MAL: variants seen among roughly 807,000 people sequenced by gnomAD.
MAL encodes mal, T cell differentiation protein (MAL blood group).
Under a neutral mutation model 16.7 loss-of-function variants are expected in MAL, and 5 were observed. That is an observed-to-expected ratio of 0.30 (90% CI 0.16 to 0.63). The LOEUF is 0.63. Among genes scored for constraint, MAL ranks in the 30% least tolerant of loss-of-function variants. The pLI, the probability that MAL is intolerant of heterozygous loss-of-function variation, is 0.82. For missense variants in MAL, 202 were observed against 195.8 expected, an observed-to-expected ratio of 1.03 and a Z score of -0.19; for synonymous variants, 96 against 85.5, an observed-to-expected ratio of 1.12 and a Z score of -0.67.
Position 95,049,667 on chromosome 2 carries a change from C to G in MAL, c.348C>G (p.Gly116=), listed in dbSNP as rs1175121985. ...TGGCCACCATCACGATGCAAGACGG[C>G]TTCACCTACAGGCACTACCATGAAA... ...EALATITMQD[G]FTYRHYHENI... Residue 116 remains glycine (G), a synonymous_variant, in exon 3 of 4, where the codon GGC becomes GGG. Coordinates refer to ENST00000309988, the MANE Select transcript of MAL (RefSeq NM_002371.4). 1 of 1,614,062 alleles carries G rather than the reference C, an allele frequency of 6.2e-7. No homozygotes were observed. Among genetic ancestry groups the G allele is most frequent in the African/African-American group, 1.3e-5 (1 of 74,934 alleles).
At chr2:95,047,930 C>G in intron 1 of MAL, 29 bp from the exon 2 acceptor site, 2 of 1,606,354 alleles carry the variant, frequency 1.2e-6, no homozygotes, top group Non-Finnish European at 1.7e-6. Context: ...TCCTCTAGGC[C>G]AAAACTCACC....
At chr2:95,041,046 G>A (rs532725812) in intron 1 of MAL, among the ~76,000 whole-genome samples, 38 of 152,276 alleles carry the variant, frequency 2.5e-4, no homozygotes, top group Admixed American at 7.8e-4. Flanking sequence ...AAGAATTTCC[G>A]TTTGTGGAGG....
chr2:95,038,200 G>A (rs561355680), intron 1 of MAL, among the ~76,000 whole-genome samples: 4 of 139,536 alleles, frequency 2.9e-5, no homozygotes, highest in Non-Finnish European at 6.2e-5. Flanking sequence ...TACTGAGTGA[G>A]TGAGTGAGTG....
At chr2:95,042,551 G>T (rs1380393155) in intron 1 of MAL, among the ~76,000 whole-genome samples, 2 of 152,158 alleles carry the variant, frequency 1.3e-5, no homozygotes, top group Non-Finnish European at 2.9e-5. Flanking sequence ...TCCCTCTGCA[G>T]CCACCCAACT....
intron 1 of MAL, among the ~76,000 whole-genome samples, chr2:95,043,141 G>A (rs1674508551): frequency 6.6e-6 from 1 of 152,170 alleles, no homozygotes; most frequent in Non-Finnish European, 1.5e-5. Flanking sequence ...CTGCCCTCTG[G>A]AGAGCCCCTC....
intron 1 of MAL, among the ~76,000 whole-genome samples, chr2:95,038,428 CTGAGTGACTGAG>C (rs1319237056): frequency 1.7e-4 from 19 of 112,614 alleles, no homozygotes; most frequent in African/African-American, 3.1e-4. Context: ...GAATGAGTGA[CTGAGTGACTGAG>C]TGAGTGACTG....
rs952432763 is a variant in MAL, at chr2:95,042,324, G to A, written c.94-5635G>A. Among the ~76,000 whole-genome samples the A allele has an allele frequency of 2.0e-5, 3 of 152,336 alleles. No homozygotes were observed. In the East Asian group the frequency reaches 5.8e-4, roughly 29 times the overall value. ...GCCTTATGTTACGGCAACACATCAC[G>A]AGGCCTTGGCCAAGAGTCTGGGACA... is the stretch of plus-strand genomic sequence containing the variant. On this transcript the variant is annotated intron_variant, in intron 1 of 3. Transcript: ENST00000309988.
At chr2:95,049,990 G>A (rs901199487) in intron 3 of MAL, among the ~76,000 whole-genome samples, 4 of 152,172 alleles carry the variant, frequency 2.6e-5, no homozygotes, top group East Asian at 1.9e-4. Flanking sequence ...CGCCCTGTCC[G>A]AGTGCTCCCT....
At position 95,040,142 on chromosome 2, in the gene MAL, C is replaced by T. The variant is rs958992763; in HGVS notation, c.94-7817C>T. On this transcript the variant is annotated intron_variant, in intron 1 of 3. Coordinates refer to ENST00000309988, the MANE Select transcript of MAL (RefSeq NM_002371.4). The stretch of plus-strand genomic sequence containing the variant: ...CTACCTACACACACACACACACACA[C>T]GTGCATTCACATGCACACACATGCA... 3.3e-5 allele frequency among the ~76,000 whole-genome samples: 5 copies of T among 152,044 alleles called. No homozygotes were observed. In the East Asian group the frequency reaches 9.6e-4, roughly 29 times the overall value.
intron 1 of MAL, among the ~76,000 whole-genome samples, chr2:95,036,302 C>T (rs954199633): frequency 3.3e-5 from 5 of 152,198 alleles, no homozygotes; most frequent in African/African-American, 4.8e-5. Flanking sequence ...TCGGACCCCT[C>T]CCCCGATCTC....
chr2:95,043,033 C>A (rs1448138041), intron 1 of MAL, among the ~76,000 whole-genome samples: 1 of 152,222 alleles, frequency 6.6e-6, no homozygotes, highest in Admixed American at 6.5e-5. Flanking sequence ...GGAGCCCCAC[C>A]TTCTGCTACT....
At chr2:95,032,499 C>T (rs537492406) in intron 1 of MAL, among the ~76,000 whole-genome samples, 5 of 152,318 alleles carry the variant, frequency 3.3e-5, no homozygotes, top group African/African-American at 1.2e-4. Context: ...GACCAGCAGG[C>T]CTCAGGGACA....
intron 2 of MAL, among the ~76,000 whole-genome samples, chr2:95,049,099 T>C (rs1300841169): frequency 6.6e-6 from 1 of 152,200 alleles, no homozygotes; most frequent in Non-Finnish European, 1.5e-5. Context: ...ATTACAGTCA[T>C]GAGCCACCAC....
At chr2:95,046,569 C>T (rs1436594043) in intron 1 of MAL, among the ~76,000 whole-genome samples, 9 of 152,182 alleles carry the variant, frequency 5.9e-5, no homozygotes, top group Non-Finnish European at 1.0e-4. Context: ...AGGAGCGGGG[C>T]TGGGCTACTG....
intron 1 of MAL, among the ~76,000 whole-genome samples, chr2:95,036,659 G>C (rs1362677902): frequency 1.3e-5 from 2 of 152,278 alleles, no homozygotes; most frequent in Non-Finnish European, 2.9e-5. Flanking sequence ...GTGAGTAAGA[G>C]AGTGAGTGAC....
chr2:95,051,079 G>A (rs1279762418), intron 3 of MAL, among the ~76,000 whole-genome samples: 1 of 152,224 alleles, frequency 6.6e-6, no homozygotes, highest in Non-Finnish European at 1.5e-5. Context: ...TGGTTAGTGG[G>A]TCAGCACTTG....
intron 1 of MAL, among the ~76,000 whole-genome samples, chr2:95,039,468 G>A (rs942397981): frequency 6.7e-6 from 1 of 149,984 alleles, no homozygotes; most frequent in East Asian, 2.0e-4. Context: ...GAGTGGGTGA[G>A]TGAGTGAGTA....
chr2:95,026,895 G>C (rs1673955596), intron 1 of MAL, among the ~76,000 whole-genome samples: 1 of 152,144 alleles, frequency 6.6e-6, no homozygotes, highest in South Asian at 2.1e-4. Flanking sequence ...GGTTGTTATT[G>C]CCTGATTGGA....
At chr2:95,041,971 C>T (rs1390321354) in intron 1 of MAL, among the ~76,000 whole-genome samples, 1 of 152,172 alleles carries the variant, frequency 6.6e-6, no homozygotes, top group African/African-American at 2.4e-5. Context: ...TGGTTTCCAG[C>T]TCTGTCATAC....
Sources: allele counts gnomAD v4.1 joint callset (sites outside exome capture counted in the v4.1 genomes callset), GRCh38; gene constraint gnomAD v4.1.1; transcripts MANE v1.5; gene names NCBI Gene and HGNC (gene_info 2026-07-23, HGNC 2026-07-21).